Variants in DOCK4 observed in about 807,000 individuals in gnomAD.
The protein encoded by DOCK4 is dedicator of cytokinesis 4, also known as dedicator of cytokinesis protein 4.
A neutral mutation model predicts 268.1 loss-of-function variants in DOCK4; 97 were observed. That is an observed-to-expected ratio of 0.36 (90% CI 0.31 to 0.43). The LOEUF is 0.43. Among genes scored for constraint, DOCK4 ranks in the 20% least tolerant of loss-of-function variants. DOCK4 has a pLI of 1.00. For synonymous variants in DOCK4, 954 were observed against 887.2 expected (o/e 1.08, Z -1.34); for missense variants, 2,145 against 2,455.7 (o/e 0.87, Z 2.67).
intron 1 of DOCK4, among the ~76,000 whole-genome samples, chr7:112,140,602 CAAA>C (rs35430125): frequency 4.6e-5 from 5 of 108,364 alleles, no homozygotes; most frequent in Non-Finnish European, 5.6e-5. Context: ...TGCTCCCCGA[CAAA>C]AAAAAAAAAA....
chr7:111,874,467 T>C (rs1361733567), intron 17 of DOCK4, among the ~76,000 whole-genome samples: 2 of 152,004 alleles, frequency 1.3e-5, no homozygotes, highest in Admixed American at 1.3e-4. Context: ...GGCTGATGAA[T>C]CTCTACACTG....
At chr7:111,840,628 CT>C (rs1247943033) in intron 25 of DOCK4, 1 of 191,230 alleles carries the variant, frequency 5.2e-6, no homozygotes, top group African/African-American at 2.4e-5. Flanking sequence ...AATAAGGCCT[CT>C]GTTATCTGGA....
intron 1 of DOCK4, among the ~76,000 whole-genome samples, chr7:112,182,498 T>C (rs1204172722): frequency 1.3e-5 from 2 of 151,746 alleles, no homozygotes; most frequent in East Asian, 1.9e-4. Context: ...GGAAGAAGAG[T>C]GGGAGAAGGA....
intron 49 of DOCK4, 136 bp from the exon 50 acceptor site, chr7:111,737,125 AAAT>A: frequency 1.5e-6 from 1 of 663,814 alleles, no homozygotes; most frequent in East Asian, 2.8e-5. Flanking sequence ...GCCTAGGAAC[AAAT>A]AATTTAATTA....
intron 25 of DOCK4, chr7:111,840,810 C>A: frequency 7.4e-7 from 1 of 1,346,222 alleles, no homozygotes; most frequent in Non-Finnish European, 9.8e-7. Flanking sequence ...TCTGCACAGA[C>A]TGAAAAGGTG....
intron 8 of DOCK4, among the ~76,000 whole-genome samples, chr7:111,973,445 AT>A (rs1382140757): frequency 6.6e-6 from 1 of 152,112 alleles, no homozygotes; most frequent in African/African-American, 2.4e-5. Flanking sequence ...TCAAGAAGAA[AT>A]AAACCAAATG....
intron 30 of DOCK4, among the ~76,000 whole-genome samples, chr7:111,797,484 G>A (rs1020824940): frequency 6.6e-6 from 1 of 152,056 alleles, no homozygotes; most frequent in African/African-American, 2.4e-5. Context: ...AGACCCTAAT[G>A]GCAGCTAAAA....
intron 25 of DOCK4, among the ~76,000 whole-genome samples, chr7:111,835,075 TA>T (rs1645069792): frequency 6.6e-6 from 1 of 152,108 alleles, no homozygotes; most frequent in Non-Finnish European, 1.5e-5. Context: ...CACTATGAGG[TA>T]GGGGGTATAA....
intron 1 of DOCK4, among the ~76,000 whole-genome samples, chr7:112,106,781 ATGT>A (rs1248342363): frequency 1.3e-5 from 2 of 152,210 alleles, no homozygotes; most frequent in Admixed American, 1.3e-4. Context: ...GGAGGTGGAC[ATGT>A]TAAGTTCCAC....
intron 1 of DOCK4, among the ~76,000 whole-genome samples, chr7:112,079,638 T>A (rs1586780414): frequency 6.6e-6 from 1 of 152,194 alleles, no homozygotes; most frequent in Admixed American, 6.5e-5. Flanking sequence ...TTTAAAACTA[T>A]GAAAGCTCTG....
chr7:112,042,166 T>C (rs1482200385), intron 1 of DOCK4, among the ~76,000 whole-genome samples: 3 of 152,050 alleles, frequency 2.0e-5, no homozygotes, highest in Non-Finnish European at 4.4e-5. Context: ...GATTATCCAG[T>C]CCTTTGATGG....
At chr7:111,926,098 A>AAGACAG (rs1352639765) in intron 12 of DOCK4, among the ~76,000 whole-genome samples, 1 of 141,450 alleles carries the variant, frequency 7.1e-6, no homozygotes. Flanking sequence ...AGAAAAAAGA[A>AAGACAG]AGAGAGAGAG....
chr7:111,735,176 G>C lies in DOCK4; in HGVS notation c.5306-9C>G. The C allele has an allele frequency of 6.5e-7, 1 of 1,546,824 alleles. No individual in the cohort carries two copies. The highest frequency in any genetic ancestry group is 8.8e-7 in the Non-Finnish European group (1 of 1,141,602). On this transcript the variant is annotated splice_polypyrimidine_tract_variant and intron_variant, in intron 50 of 52. Coordinates refer to ENST00000428084, the MANE Select transcript of DOCK4 (RefSeq NM_001363540.2). ...AGGGGTGGGGTTCACAGCTGGAAGG[G>C]AATAACACAGCTAAAAACACACGGT...
intron 11 of DOCK4, among the ~76,000 whole-genome samples, chr7:111,935,830 C>G (rs1003833883): frequency 2.3e-4 from 35 of 152,122 alleles, no homozygotes; most frequent in Admixed American, 2.3e-3. Flanking sequence ...TGCCTGACCA[C>G]CTACCTCATG....
chr7:111,819,104 G>C lies in DOCK4; in HGVS notation c.2930+3258C>G, dbSNP rs909274781. On this transcript the variant is annotated intron_variant, in intron 27 of 52. Coordinates refer to ENST00000428084, the MANE Select transcript of DOCK4 (RefSeq NM_001363540.2). ...ATAGATCTCATTTGAAACCCAAGTT[G>C]GTTAGTGCATGATATGTTTGAGGCC... is the stretch of plus-strand genomic sequence containing the variant. Among the ~76,000 whole-genome samples the C allele has an allele frequency of 4.6e-5, 7 of 152,092 alleles. No homozygotes were observed. The East Asian group carries it at 1.3e-3, about 29-fold the overall frequency.
rs1563414482 is a variant in DOCK4, at chr7:111,728,532, C to CGGCACT, written c.5664_5669dup (p.Val1893_Pro1894dup). 5 of 1,613,604 alleles carry CGGCACT rather than the reference C, an allele frequency of 3.1e-6. No individual in the cohort carries two copies. In the South Asian group the frequency reaches 3.3e-5, roughly 11 times the overall value. ...CCCCGCCGTAGCTCGGCACGGGCAC[C>CGGCACT]GGCACTGGCACCGGCAGGGGGGCCG... On this transcript the variant is annotated inframe_insertion, in exon 53 of 53. Transcript: ENST00000428084.
chr7:111,915,174 T>C (rs1718746967), intron 13 of DOCK4, among the ~76,000 whole-genome samples: 1 of 152,226 alleles, frequency 6.6e-6, no homozygotes, highest in Non-Finnish European at 1.5e-5. Flanking sequence ...CACTCCCAAA[T>C]GCATCAGCTT....
At chr7:112,089,018 A>G (rs1809377090) in intron 1 of DOCK4, among the ~76,000 whole-genome samples, 2 of 152,198 alleles carry the variant, frequency 1.3e-5, no homozygotes, top group African/African-American at 4.8e-5. Flanking sequence ...CTTGGGTCCA[A>G]AAAAGAATAT....
chr7:111,978,075 A>G (rs974544683), intron 7 of DOCK4, among the ~76,000 whole-genome samples: 7 of 152,198 alleles, frequency 4.6e-5, no homozygotes, highest in African/African-American at 1.7e-4. Context: ...AGTATCTCCT[A>G]TGTACCAAGC....
Sources: gnomAD v4.1 joint callset for allele counts (sites outside exome capture counted in the v4.1 genomes callset) on GRCh38, gnomAD v4.1.1 for gene constraint, MANE v1.5 for transcripts, NCBI Gene and HGNC (gene_info 2026-07-23, HGNC 2026-07-21) for gene names.